HS2ST1: variants seen among roughly 807,000 people sequenced by gnomAD.
HS2ST1 encodes the protein heparan sulfate 2-O-sulfotransferase 1, also known as 2-O-sulfotransferase.
HS2ST1 carries 18 observed loss-of-function variants against 42.9 expected under a neutral mutation model. The observed-to-expected ratio is 0.42, with a 90% CI of 0.29 to 0.62. The LOEUF is 0.62. Ranked by LOEUF, HS2ST1 falls within the 20% of genes least tolerant of loss-of-function variation. HS2ST1 has a pLI of 0.21. For synonymous variants in HS2ST1, 146 were observed against 152.9 expected, an observed-to-expected ratio of 0.95 and a Z score of 0.33; for missense variants, 334 against 433.8, an observed-to-expected ratio of 0.77 and a Z score of 2.04.
At chr1:86,969,409 C>T (rs955023432) in intron 1 of HS2ST1, among the ~76,000 whole-genome samples, 3 of 152,106 alleles carry the variant, frequency 2.0e-5, no homozygotes, top group African/African-American at 7.2e-5. Flanking sequence ...TGTGTGCGCA[C>T]GTGCCTGTGT....
chr1:87,068,820 A>G (rs555952219), intron 1 of HS2ST1, among the ~76,000 whole-genome samples: 8 of 152,332 alleles, frequency 5.3e-5, no homozygotes, highest in East Asian at 1.9e-4. Flanking sequence ...GTTATTTAAC[A>G]TACAAGAAAT....
intron 1 of HS2ST1, among the ~76,000 whole-genome samples, chr1:86,970,779 A>G (rs1169533549): frequency 2.0e-5 from 3 of 152,132 alleles, no homozygotes; most frequent in Non-Finnish European, 2.9e-5. Context: ...GCCTTTGTTT[A>G]TTATTTATGA....
In HS2ST1 at chr1:87,047,500, A is replaced by G. The variant is rs187180885; in HGVS notation, c.125-25434A>G. 2.0e-5 allele frequency among the ~76,000 whole-genome samples: 3 copies of G among 152,278 alleles called. No homozygotes were observed. In the East Asian group the frequency reaches 5.8e-4, roughly 29 times the overall value. ...TTAAGAAATCTTTGCCAAACCTAAA[A>G]TTACTAGGATTGTTTCTTCTATAAG... On this transcript the variant is annotated intron_variant, in intron 1 of 6. Transcript: ENST00000370550.
intron 1 of HS2ST1, among the ~76,000 whole-genome samples, chr1:86,971,374 C>A (rs1365526548): frequency 6.6e-6 from 1 of 152,136 alleles, no homozygotes; most frequent in African/African-American, 2.4e-5. Context: ...AAGCATCCTT[C>A]CAGTCTTTCC....
intron 1 of HS2ST1, among the ~76,000 whole-genome samples, chr1:87,058,691 C>A (rs772233599): frequency 6.6e-6 from 1 of 151,598 alleles, no homozygotes; most frequent in Admixed American, 6.6e-5. Flanking sequence ...CCCTGTAATT[C>A]ATATCTCTGA....
chr1:87,104,301 A>G (rs1218192964), intron 6 of HS2ST1, among the ~76,000 whole-genome samples, 169 bp from the exon 7 acceptor site: 2 of 152,136 alleles, frequency 1.3e-5, no homozygotes, highest in Admixed American at 6.5e-5. Context: ...GGACTGAATC[A>G]TGGCTCTAGT....
At chr1:87,033,240 A>G (rs1026413566) in intron 1 of HS2ST1, among the ~76,000 whole-genome samples, 6 of 152,224 alleles carry the variant, frequency 3.9e-5, no homozygotes, top group African/African-American at 7.2e-5. Context: ...TCCCCACTGC[A>G]GTATATTTTA....
chr1:87,020,571 A>T (rs1016042284), intron 1 of HS2ST1, among the ~76,000 whole-genome samples: 50 of 152,212 alleles, frequency 3.3e-4, no homozygotes, highest in African/African-American at 1.1e-3. Context: ...TTAGTTTGTG[A>T]GGGCTGCCAT....
In HS2ST1 at chr1:87,109,859, C is replaced by T. The variant is rs1416843770; in HGVS notation, c.*5163C>T. The T allele has an allele frequency of 6.6e-6, 1 of 152,002 alleles. No individual in the cohort carries two copies. Among genetic ancestry groups the T allele is most frequent in the African/African-American group, 2.4e-5 (1 of 41,398 alleles). The allele number at this position is 152,002 out of a possible 1,614,324, so 9.4% of individuals were successfully genotyped here. A position where few individuals can be genotyped will look rare whatever the true frequency, so the allele number is the denominator to read the frequency against. ...GGCATGATGTATGCAAAGTACTGGC[C>T]AGGGTAGACTAATAACTGATGGCAT... On this transcript the variant is annotated 3_prime_UTR_variant, in exon 7 of 7. Coordinates refer to ENST00000370550, the MANE Select transcript of HS2ST1 (RefSeq NM_012262.4).
intron 1 of HS2ST1, among the ~76,000 whole-genome samples, chr1:86,978,040 C>T (rs1008068862): frequency 6.6e-6 from 1 of 152,170 alleles, no homozygotes; most frequent in Non-Finnish European, 1.5e-5. Context: ...AACACATGAT[C>T]TTTTCTATGC....
intron 1 of HS2ST1, among the ~76,000 whole-genome samples, chr1:87,035,307 A>G (rs1170945639): frequency 1.3e-5 from 2 of 152,206 alleles, no homozygotes; most frequent in African/African-American, 2.4e-5. Context: ...TTTTTAACCT[A>G]TCGGTATTGT....
chr1:87,101,194 C>T (rs1290404891), intron 5 of HS2ST1, among the ~76,000 whole-genome samples: 3 of 96,816 alleles, frequency 3.1e-5, no homozygotes, highest in Non-Finnish European at 3.8e-5. Flanking sequence ...TTGAGGCAGT[C>T]TCACTCTGTC....
At chr1:87,012,512 G>T (rs1194351427) in intron 1 of HS2ST1, among the ~76,000 whole-genome samples, 1 of 152,174 alleles carries the variant, frequency 6.6e-6, no homozygotes, top group Non-Finnish European at 1.5e-5. Flanking sequence ...GCCTCCCACT[G>T]TGTCCCTTTC....
intron 1 of HS2ST1, among the ~76,000 whole-genome samples, chr1:86,995,053 T>G (rs1174883212): frequency 6.6e-6 from 1 of 152,126 alleles, no homozygotes; most frequent in African/African-American, 2.4e-5. Context: ...TTCATAAAAT[T>G]ATAGGATTTT....
In HS2ST1 at chr1:87,103,538, G is replaced by C; in HGVS notation, c.793G>C (p.Glu265Gln). The C allele has an allele frequency of 6.2e-7, 1 of 1,612,250 alleles. No individual in the cohort carries two copies. The highest frequency in any genetic ancestry group is 8.5e-7 in the Non-Finnish European group (1 of 1,179,216). Residue 265 changes from glutamate (E) to glutamine (Q), a missense_variant, in exon 6 of 7, where the codon GAG becomes CAG. Physicochemically the swap from Glu to Gln is conservative, Grantham distance 29. Transcript: ENST00000370550. ...EELEDFIMLL[E>Q]AALPRFFRGA... ...ACTTGAAGATTTTATCATGTTATTG[G>C]AGGCAGCATTGCCCCGGTTTTTCAG...
intron 1 of HS2ST1, among the ~76,000 whole-genome samples, chr1:86,943,716 CAGAAAAAAAAA>C (rs1478790065): frequency 1.4e-5 from 2 of 140,486 alleles, no homozygotes; most frequent in Admixed American, 7.0e-5. Context: ...GACCCTATCT[CAGAAAAAAAAA>C]AGAAAAAAAA....
chr1:87,102,465 C>G (rs1359057626), intron 5 of HS2ST1, among the ~76,000 whole-genome samples: 1 of 152,156 alleles, frequency 6.6e-6, no homozygotes, highest in Non-Finnish European at 1.5e-5. Context: ...CTCCCATGAT[C>G]CAGTTACCTC....
At chr1:86,916,283 A>C (rs914539152) in intron 1 of HS2ST1, among the ~76,000 whole-genome samples, 2 of 152,220 alleles carry the variant, frequency 1.3e-5, no homozygotes, top group East Asian at 3.8e-4. Context: ...GCATACTCTC[A>C]CCTCAAAATC....
intron 1 of HS2ST1, among the ~76,000 whole-genome samples, chr1:87,072,567 C>T (rs1651438138): frequency 6.6e-6 from 1 of 152,170 alleles, no homozygotes; most frequent in Non-Finnish European, 1.5e-5. Flanking sequence ...TTGAACTGCA[C>T]TGAAGTACTC....
Sources: gnomAD v4.1 joint callset for allele counts (sites outside exome capture counted in the v4.1 genomes callset) on GRCh38, gnomAD v4.1.1 for gene constraint, MANE v1.5 for transcripts, NCBI Gene and HGNC (gene_info 2026-07-23, HGNC 2026-07-21) for gene names.